Variants in SESTD1 observed in about 807,000 individuals in gnomAD.
SESTD1 encodes SEC14 domain and spectrin repeat-containing protein 1.
Under a neutral mutation model 101.7 loss-of-function variants are expected in SESTD1, and 43 were observed. The ratio of observed to expected loss-of-function variants is 0.42; its 90% confidence interval spans 0.33 to 0.55. The LOEUF (loss-of-function observed/expected upper bound fraction) is 0.55. SESTD1 is among the 20% of genes least tolerant of loss of function. The probability of loss-of-function intolerance (pLI) is 0.07; values close to 1 mark genes in which losing one functional copy is unlikely to be tolerated. For missense variants in SESTD1, 647 were observed against 815.1 expected (o/e 0.79, Z 2.51); for synonymous variants, 283 against 286.8 (o/e 0.99, Z 0.13).
intron 1 of SESTD1, among the ~76,000 whole-genome samples, chr2:179,252,795 C>T (rs1430281381): frequency 2.0e-5 from 3 of 152,172 alleles, no homozygotes; most frequent in Non-Finnish European, 4.4e-5. Flanking sequence ...TTGTCCCTGC[C>T]ACCTTTTAAA....
intron 17 of SESTD1, among the ~76,000 whole-genome samples, chr2:179,110,462 G>T (rs2044482845): frequency 6.6e-6 from 1 of 152,104 alleles, no homozygotes; most frequent in African/African-American, 2.4e-5. Flanking sequence ...TACATTAACA[G>T]ATAAAATTAT....
At chr2:179,121,684 T>C (rs528369500) in intron 13 of SESTD1, 86 bp downstream of exon 13, 5 of 1,186,086 alleles carry the variant, frequency 4.2e-6, no homozygotes, top group East Asian at 5.9e-5. Context: ...TAAGAACGTT[T>C]TGTCTGTATA....
chr2:179,149,592 A>G (rs1207074493), intron 6 of SESTD1, among the ~76,000 whole-genome samples, 198 bp from the exon 7 acceptor site: 10 of 152,182 alleles, frequency 6.6e-5, no homozygotes, highest in Admixed American at 6.5e-4. Context: ...GAATAGTTTC[A>G]TGGATAAATA....
In SESTD1 at chr2:179,108,974, A is replaced by ATGCC. The variant is rs887871703; in HGVS notation, c.*921_*924dup. The stretch of plus-strand genomic sequence containing the variant: ...AAGGATTACACTGAAGTAATTATGT[A>ATGCC]TGCCTTCTTCCTCAGCCCTCCTCCC... On this transcript the variant is annotated 3_prime_UTR_variant, in exon 18 of 18. Transcript: ENST00000428443. 1.7e-4 allele frequency: 26 copies of ATGCC among 152,294 alleles called. No homozygotes were observed. The highest frequency in any genetic ancestry group is 5.3e-4 in the African/African-American group (22 of 41,568). 9.4% of individuals were successfully genotyped at this position (152,294 alleles called of 1,614,324 possible).
intron 2 of SESTD1, among the ~76,000 whole-genome samples, chr2:179,183,610 T>C (rs1365335659): frequency 6.6e-6 from 1 of 152,000 alleles, no homozygotes; most frequent in African/African-American, 2.4e-5. Flanking sequence ...TATAAAATTA[T>C]AAAAAGGGAT....
chr2:179,220,048 T>A (rs1027879932), intron 1 of SESTD1, among the ~76,000 whole-genome samples: 1 of 152,168 alleles, frequency 6.6e-6, no homozygotes, highest in African/African-American at 2.4e-5. Flanking sequence ...CAAAAAAATC[T>A]ACATTAAGAA....
At chr2:179,187,193 G>T (rs1199780282) in intron 2 of SESTD1, among the ~76,000 whole-genome samples, 2 of 152,114 alleles carry the variant, frequency 1.3e-5, no homozygotes, top group Non-Finnish European at 2.9e-5. Context: ...ACCCTATAAA[G>T]CAACTACGCA....
chr2:179,257,739 T>C (rs2047420668), intron 1 of SESTD1, among the ~76,000 whole-genome samples: 1 of 152,234 alleles, frequency 6.6e-6, no homozygotes, highest in South Asian at 2.1e-4. Flanking sequence ...ATTTACGGTA[T>C]GGAGTGGGCC....
chr2:179,188,294 A>G (rs1356944900), intron 2 of SESTD1, among the ~76,000 whole-genome samples: 2 of 152,214 alleles, frequency 1.3e-5, no homozygotes, highest in Admixed American at 1.3e-4. Flanking sequence ...AAACCACACA[A>G]TTACATGAAA....
intron 4 of SESTD1, among the ~76,000 whole-genome samples, chr2:179,175,086 T>C (rs2045988798): frequency 6.6e-6 from 1 of 152,128 alleles, no homozygotes; most frequent in African/African-American, 2.4e-5. Flanking sequence ...CATTTTAAAA[T>C]GGATAAAGTC....
intron 1 of SESTD1, among the ~76,000 whole-genome samples, chr2:179,261,033 A>G (rs10930859): frequency 1.4e-4 from 22 of 151,944 alleles, no homozygotes; most frequent in Admixed American, 1.4e-3. Context: ...TACTCTCTCT[A>G]TATATATACA....
In SESTD1 at chr2:179,203,349, G is replaced by A. The variant is rs532663673; in HGVS notation, c.-25-11483C>T. 5.2e-5 allele frequency among the ~76,000 whole-genome samples: 7 copies of A among 133,616 alleles called. 2 individuals are homozygous for A. Among genetic ancestry groups the A allele is most frequent in the South Asian group, 2.9e-4 (1 of 3,434 alleles). 87.7% of individuals were successfully genotyped at this position (133,616 alleles called of 152,430 possible). On this transcript the variant is annotated intron_variant, in intron 1 of 17. Transcript: ENST00000428443. ...AAATCCCTTTAAAAACTGCAAAGCC[G>A]GCCCCAGGCAGTACCACCCATGACA...
chr2:179,156,485 C>A (rs1054164581), intron 5 of SESTD1, among the ~76,000 whole-genome samples: 1 of 152,088 alleles, frequency 6.6e-6, no homozygotes, highest in East Asian at 1.9e-4. Flanking sequence ...ACGGCATTCA[C>A]GCCAACATCT....
intron 9 of SESTD1, 144 bp downstream of exon 9, chr2:179,143,448 C>A: frequency 1.6e-6 from 1 of 611,998 alleles, no homozygotes; most frequent in African/African-American, 1.9e-5. Flanking sequence ...ATTTGTAAAA[C>A]AATACATAAT....
rs1299670898 is a variant in SESTD1, at chr2:179,117,628, CAT to C, written c.1443-17_1443-16del. 6.5e-7 allele frequency: 1 copy of C among 1,548,760 alleles called. No homozygotes were observed. Among genetic ancestry groups the C allele is most frequent in the East Asian group, 2.4e-5 (1 of 41,384 alleles). On this transcript the variant is annotated splice_polypyrimidine_tract_variant and intron_variant, in intron 13 of 17. Coordinates refer to ENST00000428443, the MANE Select transcript of SESTD1 (RefSeq NM_178123.5). Reference sequence around the variant, plus strand: ...TGTCTTCACATCTAATGAACCCAAACATAAATTTAACTCATCATTTCTGTTTT... The same window carrying C: ...TGTCTTCACATCTAATGAACCCAAACAAATTTAACTCATCATTTCTGTTTT...
intron 15 of SESTD1, 153 bp downstream of exon 15, chr2:179,116,515 T>G: frequency 8.3e-7 from 1 of 1,207,624 alleles, no homozygotes; most frequent in South Asian, 1.3e-5. Context: ...CAGGCTAGTT[T>G]TGATGCACCA....
intron 1 of SESTD1, among the ~76,000 whole-genome samples, chr2:179,235,365 T>G (rs908523214): frequency 6.6e-6 from 1 of 152,180 alleles, no homozygotes; most frequent in African/African-American, 2.4e-5. Flanking sequence ...ATTAGGAGAA[T>G]GTGGAGTGAA....
chr2:179,145,713 T>C (rs926104442), intron 8 of SESTD1, among the ~76,000 whole-genome samples: 5 of 152,224 alleles, frequency 3.3e-5, no homozygotes, highest in African/African-American at 4.8e-5. Flanking sequence ...AGCTTTGGCT[T>C]TGGATTTAGC....
chr2:179,234,540 G>GAA lies in SESTD1; in HGVS notation c.-26+29958_-26+29959insTT, dbSNP rs2047036274. 2.0e-5 allele frequency among the ~76,000 whole-genome samples: 3 copies of GAA among 152,104 alleles called. No homozygotes were observed. In the East Asian group the frequency reaches 5.8e-4, roughly 29 times the overall value. On this transcript the variant is annotated intron_variant, in intron 1 of 17. Transcript: ENST00000428443. Reference sequence around the variant, plus strand: ...CACCTGCAATCCCAGCACTTTGTGGGGCTGAGGCGGGTAGATCACTTGGGG... The same window carrying GAA: ...CACCTGCAATCCCAGCACTTTGTGGGAAGCTGAGGCGGGTAGATCACTTGGGG...
Sources: allele counts gnomAD v4.1 joint callset (sites outside exome capture counted in the v4.1 genomes callset), GRCh38; gene constraint gnomAD v4.1.1; transcripts MANE v1.5; gene names NCBI Gene and HGNC (gene_info 2026-07-23, HGNC 2026-07-21).